TRIM2: variants seen among roughly 807,000 people sequenced by gnomAD.
TRIM2 encodes the protein tripartite motif-containing protein 2.
TRIM2 carries 20 observed loss-of-function variants against 75.2 expected under a neutral mutation model. The ratio of observed to expected loss-of-function variants is 0.27; its 90% CI spans 0.19 to 0.39. The LOEUF is 0.39. TRIM2 is among the 10% of genes least tolerant of loss of function. The probability of loss-of-function intolerance (pLI) is 1.00; values close to 1 mark genes in which losing one functional copy is unlikely to be tolerated. For missense variants in TRIM2, 660 were observed against 990.8 expected, an observed-to-expected ratio of 0.67 and a Z score of 4.48; for synonymous variants, 373 against 388.3, an observed-to-expected ratio of 0.96 and a Z score of 0.46.
chr4:153,166,763 C>T (rs964006669), intron 1 of TRIM2, among the ~76,000 whole-genome samples: 5 of 152,128 alleles, frequency 3.3e-5, no homozygotes, highest in Non-Finnish European at 7.4e-5. Flanking sequence ...GACTAAGAAG[C>T]CTCCTAAGAA....
At position 153,244,346 on chromosome 4, in the gene TRIM2, TTCTTCTTCC is replaced by T. The variant is rs1228052562; in HGVS notation, c.31-25980_31-25972del. 7.4e-3 allele frequency among the ~76,000 whole-genome samples: 255 copies of T among 34,542 alleles called. 6 individuals are homozygous for T. The highest frequency in any genetic ancestry group is 0.011 in the African/African-American group (41 of 3,882). 22.7% of individuals were successfully genotyped at this position (34,542 alleles called of 152,430 possible). A position where few individuals can be genotyped will look rare whatever the true frequency, so the allele number is the denominator to read the frequency against. ...CTTCTTCTTCTTCTTCTTCTTCTTCTTCTTCTTCCTCTTCTTCTTCTTCTTCTTCTTCTT... is the reference window on the plus strand; with the variant it reads ...CTTCTTCTTCTTCTTCTTCTTCTTCTTCTTCTTCTTCTTCTTCTTCTTCTT... On this transcript the variant is annotated intron_variant, in intron 1 of 11. Coordinates refer to ENST00000338700, the MANE Select transcript of TRIM2 (RefSeq NM_015271.5).
chr4:153,254,812 T>C (rs1473848337), intron 1 of TRIM2, among the ~76,000 whole-genome samples: 2 of 152,238 alleles, frequency 1.3e-5, no homozygotes, highest in Non-Finnish European at 2.9e-5. Context: ...GCCATTGTGG[T>C]GAGGGTGTTT....
intron 1 of TRIM2, among the ~76,000 whole-genome samples, chr4:153,185,392 C>T (rs1732495756): frequency 6.6e-6 from 1 of 152,056 alleles, no homozygotes; most frequent in African/African-American, 2.4e-5. Context: ...GGCCTTTTTA[C>T]ACCATGTTTA....
In TRIM2 at chr4:153,327,021, C is replaced by T. The variant is rs79421200; in HGVS notation, c.2023-1509C>T. 5.1e-3 allele frequency among the ~76,000 whole-genome samples: 763 copies of T among 149,216 alleles called. 7 individuals carry two copies. The highest frequency in any genetic ancestry group is 0.018 in the African/African-American group (719 of 40,810). ...AAAGAAAGAAAGATAAACAAAATGA[C>T]TATTTGTAGGGCTTAGTAAGGGAAA... On this transcript the variant is annotated intron_variant, in intron 10 of 11. Coordinates refer to ENST00000338700, the MANE Select transcript of TRIM2 (RefSeq NM_015271.5).
At chr4:153,199,234 T>C (rs1734075674) in intron 1 of TRIM2, among the ~76,000 whole-genome samples, 1 of 152,202 alleles carries the variant, frequency 6.6e-6, no homozygotes, top group South Asian at 2.1e-4. Context: ...CTCCTCTTCC[T>C]CCTCGTTGTC....
At chr4:153,263,097 G>A (rs1753983723) in intron 1 of TRIM2, among the ~76,000 whole-genome samples, 1 of 152,210 alleles carries the variant, frequency 6.6e-6, no homozygotes, top group Admixed American at 6.5e-5. Context: ...TTGGGAGGCT[G>A]AAGCGAGAGG....
intron 4 of TRIM2, among the ~76,000 whole-genome samples, chr4:153,293,706 T>C (rs548550893): frequency 5.3e-5 from 8 of 152,300 alleles, no homozygotes; most frequent in Admixed American, 1.3e-4. Flanking sequence ...TCTCCACTGA[T>C]AGCTGTAGTG....
intron 1 of TRIM2, among the ~76,000 whole-genome samples, chr4:153,207,672 G>C (rs913276340): frequency 6.6e-6 from 1 of 152,166 alleles, no homozygotes; most frequent in Admixed American, 6.5e-5. Context: ...GGTGACATTG[G>C]ATAAAGGAAA....
intron 6 of TRIM2, among the ~76,000 whole-genome samples, chr4:153,301,670 G>C (rs1763953354): frequency 6.6e-6 from 1 of 152,152 alleles, no homozygotes; most frequent in African/African-American, 2.4e-5. Flanking sequence ...TTTTGTATAT[G>C]GTGTGAGATG....
At chr4:153,265,024 A>G (rs564500683) in intron 1 of TRIM2, among the ~76,000 whole-genome samples, 31 of 152,368 alleles carry the variant, frequency 2.0e-4, no homozygotes, top group African/African-American at 4.3e-4. Flanking sequence ...TACAATAATT[A>G]TCATAAAGTT....
chr4:153,234,818 A>G lies in TRIM2; in HGVS notation c.30+30258A>G, dbSNP rs1366267752. Among the ~76,000 whole-genome samples the G allele has an allele frequency of 2.6e-5, 4 of 152,230 alleles. 1 individual carries two copies. In the South Asian group the frequency reaches 6.2e-4, roughly 24 times the overall value. The stretch of plus-strand genomic sequence containing the variant: ...AGACCTTTCTTCTGAGCCTAGAACT[A>G]TAACTCAGCAGCTATTTGACATCTC... On this transcript the variant is annotated intron_variant, in intron 1 of 11. Transcript: ENST00000338700.
At chr4:153,301,478 C>T (rs978225342) in intron 6 of TRIM2, among the ~76,000 whole-genome samples, 13 of 152,122 alleles carry the variant, frequency 8.5e-5, no homozygotes, top group African/African-American at 3.1e-4. Context: ...CTTTGCTGTA[C>T]AGCTTTTTAG....
rs398064151 is a variant in TRIM2, at chr4:153,171,840, C to CTTTTTTTTT, written c.-49+18576_-49+18584dup. 1.1e-3 allele frequency among the ~76,000 whole-genome samples: 127 copies of CTTTTTTTTT among 114,738 alleles called. 3 individuals are homozygous for CTTTTTTTTT. Among genetic ancestry groups the CTTTTTTTTT allele is most frequent in the African/African-American group, 4.0e-3 (116 of 28,804 alleles). The allele number at this position is 114,738 out of a possible 152,430, so 75.3% of individuals were successfully genotyped here. On this transcript the variant is annotated intron_variant, in intron 1 of 11. Coordinates refer to the TRIM2 transcript ENST00000437508. ...TTTTTGCCATATTTTCGTTTTGGGGCTTTTTTTTTTTTTTCGCTAATGTAT... is the reference window on the plus strand; with the variant it reads ...TTTTTGCCATATTTTCGTTTTGGGGCTTTTTTTTTTTTTTTTTTTTTTTCGCTAATGTAT...
At chr4:153,156,890 T>C (rs990287243) in intron 1 of TRIM2, 18 of 152,396 alleles carry the variant, frequency 1.2e-4, no homozygotes, top group African/African-American at 3.1e-4. Context: ...TTAGGGCTGT[T>C]GTACTTTGGA....
intron 1 of TRIM2, among the ~76,000 whole-genome samples, chr4:153,166,733 G>A (rs1161628436): frequency 6.6e-6 from 1 of 151,976 alleles, no homozygotes; most frequent in Non-Finnish European, 1.5e-5. Context: ...TCTTTAATGG[G>A]ACCATTTAGT....
chr4:153,169,684 T>C (rs2149609699), intron 1 of TRIM2, among the ~76,000 whole-genome samples: 1 of 152,370 alleles, frequency 6.6e-6, no homozygotes, highest in African/African-American at 2.4e-5. Flanking sequence ...TGTAAAGATT[T>C]TAATATTGAT....
chr4:153,321,053 C>T (rs1768860049), intron 8 of TRIM2, among the ~76,000 whole-genome samples: 1 of 152,212 alleles, frequency 6.6e-6, no homozygotes, highest in Admixed American at 6.5e-5. Flanking sequence ...CTGCTGTTTC[C>T]TCACCTGGGG....
intron 1 of TRIM2, among the ~76,000 whole-genome samples, chr4:153,262,237 G>A (rs998970121): frequency 1.3e-5 from 2 of 152,270 alleles, no homozygotes; most frequent in African/African-American, 4.8e-5. Context: ...TGGAAGACTG[G>A]ACTTTATTAC....
intron 1 of TRIM2, among the ~76,000 whole-genome samples, chr4:153,157,974 T>C (rs1729392266): frequency 6.6e-6 from 1 of 152,228 alleles, no homozygotes; most frequent in African/African-American, 2.4e-5. Flanking sequence ...GGCTTGATAA[T>C]GACAGGTTCC....
Sources: allele counts gnomAD v4.1 joint callset (sites outside exome capture counted in the v4.1 genomes callset), GRCh38; gene constraint gnomAD v4.1.1; transcripts MANE v1.5; gene names NCBI Gene and HGNC (gene_info 2026-07-23, HGNC 2026-07-21).